The following CCDC122 variants were observed in gnomAD, a reference collection of about 807,000 sequenced individuals.
CCDC122 encodes the protein coiled-coil domain-containing protein 122.
A neutral mutation model predicts 37.0 loss-of-function variants in CCDC122; 38 were observed. The ratio of observed to expected loss-of-function variants is 1.03; its 90% CI spans 0.79 to 1.35. The LOEUF is 1.35. Ranked by LOEUF, CCDC122 falls within the 40% of genes most tolerant of loss-of-function variation. The pLI is 0.00. For missense variants in CCDC122, 305 were observed against 310.0 expected (o/e 0.98, Z 0.12); for synonymous variants, 83 against 95.6 (o/e 0.87, Z 0.77).
intron 1 of CCDC122, among the ~76,000 whole-genome samples, chr13:43,878,702 C>G (rs1954745659): frequency 6.6e-6 from 1 of 152,100 alleles, no homozygotes; most frequent in African/African-American, 2.4e-5. Context: ...AATAAATGAA[C>G]GTTATATTCT....
At chr13:43,878,179 C>A (rs1954711540) in intron 1 of CCDC122, 1 of 152,006 alleles carries the variant, frequency 6.6e-6, no homozygotes, top group Admixed American at 6.5e-5. Context: ...ATGTTTAAAA[C>A]CTTTGTAACT....
rs188978417 is a variant in CCDC122 at position 43,871,035 on chromosome 13, G to A, written c.-113-1546C>T. ...CGGAGCTGACTTACACGAAAACTTCGTCCTCCTTACACGTGGGTTTCAAGT... is the reference window on the plus strand; with the variant it reads ...CGGAGCTGACTTACACGAAAACTTCATCCTCCTTACACGTGGGTTTCAAGT... On this transcript the variant is annotated intron_variant, in intron 2 of 6. Coordinates refer to ENST00000444614, the MANE Select transcript of CCDC122 (RefSeq NM_144974.5). Among the ~76,000 whole-genome samples the A allele has an allele frequency of 3.8e-3, 578 of 152,064 alleles. 3 individuals carry two copies. Among genetic ancestry groups the A allele is most frequent in the African/African-American group, 0.012 (511 of 41,482 alleles).
At chr13:43,844,256 T>A (rs948173253) in intron 6 of CCDC122, among the ~76,000 whole-genome samples, 1 of 152,022 alleles carries the variant, frequency 6.6e-6, no homozygotes, top group South Asian at 2.1e-4. Context: ...ATTTCAAATA[T>A]ATTCTAATTT....
At chr13:43,831,202 T>C (rs987355255) in intron 3 of CCDC122, among the ~76,000 whole-genome samples, 1 of 151,986 alleles carries the variant, frequency 6.6e-6, no homozygotes, top group African/African-American at 2.4e-5. Flanking sequence ...AGAACGACAC[T>C]TGAGAGTGGC....
In CCDC122 at chr13:43,836,856, CAAAAAAAAAA is replaced by C. The variant is rs11420172; in HGVS notation, c.*414_*423del. Reference sequence around the variant, plus strand: ...TGGGCGACAGAGCGAGACTCCGTCTCAAAAAAAAAAAAAAAAAAAAAGTTCGAAACAGACA... The same window carrying C: ...TGGGCGACAGAGCGAGACTCCGTCTCAAAAAAAAAAAGTTCGAAACAGACA... On this transcript the variant is annotated 3_prime_UTR_variant, in exon 7 of 7. Transcript: ENST00000444614. 2.4e-5 allele frequency: 2 copies of C among 82,146 alleles called. No individual in the cohort carries two copies. The highest frequency in any genetic ancestry group is 5.4e-5 in the African/African-American group (1 of 18,408). 5.1% of individuals were successfully genotyped at this position (82,146 alleles called of 1,614,324 possible).
rs781181080 is a variant in CCDC122 at position 43,858,778 on chromosome 13, T to G, written c.672+3A>C. On this transcript the variant is annotated splice_donor_region_variant and intron_variant, in intron 6 of 6. Transcript: ENST00000444614. ...CATTGAAATCTAGATAATTAAGACT[T>G]ACCTCTATTTCTTTTCTTAATTTTT... 4 of 1,404,314 alleles carry G rather than the reference T, an allele frequency of 2.8e-6. No individual in the cohort carries two copies. The Middle Eastern group carries it at 1.0e-3, about 360-fold the overall frequency. The allele number at this position is 1,404,314 out of a possible 1,614,324, so 87.0% of individuals were successfully genotyped here.
chr13:43,837,383 T>G lies in CCDC122; in HGVS notation c.719A>C (p.Gln240Pro), dbSNP rs775652986. Residue 240 changes from glutamine to proline, a missense_variant, in exon 7 of 7, where the codon CAG becomes CCG. Physicochemically the swap from Gln to Pro is moderately conservative, Grantham distance 76. Coordinates refer to ENST00000444614, the MANE Select transcript of CCDC122 (RefSeq NM_144974.5). ...YDAILKRLHC[Q>P]VNKLQSNRRQ... ...TCTATTTGACTGAAGCTTGTTCACC[T>G]GACAATGCAAACGCTTAAGAATTGC... 2 of 1,614,104 alleles carry G rather than the reference T, an allele frequency of 1.2e-6. No homozygotes were observed.
chr13:43,829,799 T>A (rs78017463), intron 3 of CCDC122, among the ~76,000 whole-genome samples: 3,332 of 152,288 alleles, frequency 0.022, 118 homozygotes, highest in African/African-American at 0.074. Context: ...CTAATAAATC[T>A]GCCTAAAAAA....
chr13:43,850,141 C>T lies in CCDC122; in HGVS notation c.672+8640G>A, dbSNP rs150130841. ...AATGATATTTGCAGAGGCCTACAGA[C>T]TAGTCTTTCCCCCTTCCATGGGAAA... is the stretch of plus-strand genomic sequence containing the variant. On this transcript the variant is annotated intron_variant, in intron 6 of 6. Coordinates refer to ENST00000444614, the MANE Select transcript of CCDC122 (RefSeq NM_144974.5). Among the ~76,000 whole-genome samples, 334 of 152,276 alleles carry T rather than the reference C, an allele frequency of 2.2e-3. 1 individual carries two copies. Among genetic ancestry groups the T allele is most frequent in the African/African-American group, 7.6e-3 (315 of 41,552 alleles).
intron 2 of CCDC122, 44 bp from the exon 3 acceptor site, chr13:43,869,533 T>C (rs1954382287): frequency 5.2e-6 from 3 of 571,566 alleles, no homozygotes; most frequent in Non-Finnish European, 9.0e-6. Flanking sequence ...GGGATGTCAA[T>C]GACATTTTAT....
At chr13:43,847,334 AT>A (rs1953577135) in intron 6 of CCDC122, among the ~76,000 whole-genome samples, 1 of 152,180 alleles carries the variant, frequency 6.6e-6, no homozygotes, top group Non-Finnish European at 1.5e-5. Flanking sequence ...GGTGAGAGTA[AT>A]GATAGAGAAC....
downstream of CCDC122, among the ~76,000 whole-genome samples, chr13:43,820,881 A>G (rs1172495347): frequency 1.3e-5 from 2 of 152,230 alleles, no homozygotes; most frequent in Non-Finnish European, 2.9e-5. Flanking sequence ...TTTGAAGGGT[A>G]TGCGTTCTTT....
At chr13:43,826,413 T>G (rs1307107037) in intron 3 of CCDC122, among the ~76,000 whole-genome samples, 1 of 152,220 alleles carries the variant, frequency 6.6e-6, no homozygotes, top group Non-Finnish European at 1.5e-5. Context: ...GGTCGTTTAT[T>G]TATTAGCTAC....
downstream of CCDC122, among the ~76,000 whole-genome samples, chr13:43,821,269 ACTGGAGTGCAGT>A (rs1222233140): frequency 6.6e-6 from 1 of 152,170 alleles, no homozygotes; most frequent in African/African-American, 2.4e-5. Flanking sequence ...TGTAGTGCAG[ACTGGAGTGCAGT>A]GGCACAATCT....
At chr13:43,873,284 T>C (rs1360361059) in intron 2 of CCDC122, among the ~76,000 whole-genome samples, 2 of 152,152 alleles carry the variant, frequency 1.3e-5, no homozygotes, top group Non-Finnish European at 2.9e-5. Context: ...TGTAGACTCA[T>C]ACTCATTGCC....
At chr13:43,820,834 A>G (rs1037119800), downstream of CCDC122, among the ~76,000 whole-genome samples, 1 of 152,240 alleles carries the variant, frequency 6.6e-6, no homozygotes, top group Non-Finnish European at 1.5e-5. Flanking sequence ...GGCTCACAGT[A>G]AAGGTCCAGT....
At chr13:43,822,757 G>A (rs988726469), downstream of CCDC122, among the ~76,000 whole-genome samples, 2 of 152,186 alleles carry the variant, frequency 1.3e-5, no homozygotes, top group South Asian at 4.1e-4. Context: ...CCAGGGCACT[G>A]CTGATGTTCA....
At chr13:43,861,399 T>C (rs556526777) in intron 4 of CCDC122, among the ~76,000 whole-genome samples, 19 of 152,240 alleles carry the variant, frequency 1.2e-4, no homozygotes, top group Non-Finnish European at 2.5e-4. Context: ...GACTAACGGA[T>C]GAAAAACTGG....
chr13:43,833,308 C>T (rs979847162), downstream of CCDC122, among the ~76,000 whole-genome samples: 1 of 152,062 alleles, frequency 6.6e-6, no homozygotes. Context: ...CTAGCAGGCC[C>T]GGATCAGGAC....
Sources: gnomAD v4.1 joint callset for allele counts (sites outside exome capture counted in the v4.1 genomes callset) on GRCh38, gnomAD v4.1.1 for gene constraint, MANE v1.5 for transcripts, NCBI Gene and HGNC (gene_info 2026-07-23, HGNC 2026-07-21) for gene names.